MCU: variants seen among roughly 807,000 people sequenced by gnomAD.
MCU encodes the protein calcium uniporter protein, mitochondrial.
Under a neutral mutation model 45.2 loss-of-function variants are expected in MCU, and 12 were observed. That is an observed-to-expected ratio of 0.27 (90% confidence interval 0.17 to 0.43). The LOEUF is 0.43. Among genes scored for constraint, MCU ranks in the 20% least tolerant of loss-of-function variants. The pLI, the probability that MCU is intolerant of heterozygous loss-of-function variation, is 1.00. For synonymous variants in MCU, 160 were observed against 165.1 expected, an observed-to-expected ratio of 0.97 and a Z score of 0.24; for missense variants, 324 against 436.7, an observed-to-expected ratio of 0.74 and a Z score of 2.30.
At chr10:72,713,144 A>G (rs1003951240) in intron 1 of MCU, among the ~76,000 whole-genome samples, 5 of 152,234 alleles carry the variant, frequency 3.3e-5, no homozygotes, top group Non-Finnish European at 5.9e-5. Context: ...GACCAATTTT[A>G]AGCATATTTT....
At chr10:72,834,478 G>A (rs755978829) in intron 2 of MCU, 50 bp downstream of exon 2, 1 of 1,495,086 alleles carries the variant, frequency 6.7e-7, no homozygotes, top group Non-Finnish European at 9.3e-7. Context: ...TTCCTTCTTA[G>A]CTCAGTGTTT....
intron 2 of MCU, among the ~76,000 whole-genome samples, chr10:72,858,686 TCA>T (rs1845330475): frequency 6.6e-6 from 1 of 152,206 alleles, no homozygotes; most frequent in Non-Finnish European, 1.5e-5. Context: ...CTTTTGTTTC[TCA>T]CTTATCAGCT....
chr10:72,849,915 CTT>C (rs34763405), intron 2 of MCU, among the ~76,000 whole-genome samples: 6,880 of 141,272 alleles, frequency 0.049, 369 homozygotes, highest in African/African-American at 0.14. Context: ...TTATCTTTTT[CTT>C]TTTTTTTTTT....
intron 1 of MCU, among the ~76,000 whole-genome samples, chr10:72,760,168 C>T (rs921379615): frequency 1.3e-5 from 2 of 152,070 alleles, no homozygotes; most frequent in African/African-American, 4.8e-5. Flanking sequence ...CCTCAGCCTC[C>T]TGAGTAGCAA....
intron 1 of MCU, among the ~76,000 whole-genome samples, chr10:72,824,761 C>A (rs1844771128): frequency 6.6e-6 from 1 of 152,024 alleles, no homozygotes; most frequent in Non-Finnish European, 1.5e-5. Context: ...GCTGTTGTAT[C>A]CCTCTCATTG....
intron 1 of MCU, among the ~76,000 whole-genome samples, chr10:72,751,924 C>T (rs1016950082): frequency 1.1e-4 from 17 of 151,868 alleles, no homozygotes; most frequent in African/African-American, 3.9e-4. Flanking sequence ...ACTGCAGCCT[C>T]CACCTCCTGG....
At chr10:72,872,988 T>TTGTTTTTG (rs1158235580) in intron 6 of MCU, among the ~76,000 whole-genome samples, 4 of 151,210 alleles carry the variant, frequency 2.6e-5, no homozygotes, top group Admixed American at 1.3e-4. Context: ...TTTTATTTGT[T>TTGTTTTTG]TGTTTTTGTT....
At chr10:72,843,208 G>A (rs10823944) in intron 2 of MCU, among the ~76,000 whole-genome samples, 80,343 of 151,932 alleles carry the variant, frequency 0.53, 23,071 homozygotes, top group Non-Finnish European at 0.67. Flanking sequence ...TTTACATCCT[G>A]TGGGTTTTGG....
chr10:72,723,686 G>A (rs556362991), intron 1 of MCU, among the ~76,000 whole-genome samples: 1 of 152,270 alleles, frequency 6.6e-6, no homozygotes, highest in South Asian at 2.1e-4. Context: ...TTTAATGGCA[G>A]CATAATATTC....
chr10:72,719,718 A>T (rs1438407201), intron 1 of MCU, among the ~76,000 whole-genome samples: 1 of 152,108 alleles, frequency 6.6e-6, no homozygotes, highest in Non-Finnish European at 1.5e-5. Flanking sequence ...AGGATAAATC[A>T]CCTCAGGCAT....
intron 1 of MCU, among the ~76,000 whole-genome samples, chr10:72,766,235 C>G (rs751281203): frequency 6.6e-6 from 1 of 152,110 alleles, no homozygotes; most frequent in East Asian, 1.9e-4. Context: ...TTTCAAGTAC[C>G]TTTTGTGTGG....
intron 1 of MCU, among the ~76,000 whole-genome samples, chr10:72,761,993 A>G (rs953854082): frequency 4.6e-5 from 7 of 152,116 alleles, no homozygotes; most frequent in African/African-American, 1.7e-4. Flanking sequence ...TATTTATCCA[A>G]AGTGATTTGT....
At chr10:72,709,751 T>C (rs1376500830) in intron 1 of MCU, among the ~76,000 whole-genome samples, 2 of 152,348 alleles carry the variant, frequency 1.3e-5, no homozygotes, top group East Asian at 3.9e-4. Context: ...ACTTAAACGT[T>C]AAAATGCTGC....
At chr10:72,810,037 CGT>C (rs1564563701) in intron 1 of MCU, among the ~76,000 whole-genome samples, 1 of 151,178 alleles carries the variant, frequency 6.6e-6, no homozygotes, top group African/African-American at 2.4e-5. Flanking sequence ...TGTGTGTGCG[CGT>C]GAACATATGT....
chr10:72,719,774 T>C (rs764737770), intron 1 of MCU, among the ~76,000 whole-genome samples: 8 of 152,266 alleles, frequency 5.3e-5, no homozygotes, highest in Non-Finnish European at 1.0e-4. Flanking sequence ...CTTAGTTATT[T>C]TAAAATATAC....
At chr10:72,693,673 T>C (rs1267045767) in intron 1 of MCU, among the ~76,000 whole-genome samples, 1 of 152,226 alleles carries the variant, frequency 6.6e-6, no homozygotes, top group Non-Finnish European at 1.5e-5. Flanking sequence ...AGATTGTACC[T>C]CTTTTTATTT....
intron 1 of MCU, among the ~76,000 whole-genome samples, chr10:72,772,396 C>G (rs1843824347): frequency 6.6e-6 from 1 of 152,182 alleles, no homozygotes; most frequent in Non-Finnish European, 1.5e-5. Context: ...GCAGATACAT[C>G]TAATAAAAAT....
At chr10:72,858,336 G>T (rs1845324830) in intron 2 of MCU, among the ~76,000 whole-genome samples, 1 of 152,164 alleles carries the variant, frequency 6.6e-6, no homozygotes, top group Non-Finnish European at 1.5e-5. Context: ...CAGCTCTCTG[G>T]CATCAAAAGA....
At chr10:72,792,368 T>C (rs919574312) in intron 1 of MCU, among the ~76,000 whole-genome samples, 14 of 152,226 alleles carry the variant, frequency 9.2e-5, no homozygotes, top group Non-Finnish European at 1.8e-4. Context: ...TTTTCCGATT[T>C]GTGCTTAAGG....
Sources: allele counts gnomAD v4.1 joint callset (sites outside exome capture counted in the v4.1 genomes callset), GRCh38; gene constraint gnomAD v4.1.1; transcripts MANE v1.5; gene names NCBI Gene and HGNC (gene_info 2026-07-23, HGNC 2026-07-21).